C8orf34: variants seen among roughly 807,000 people sequenced by gnomAD.
C8orf34 encodes uncharacterized protein C8orf34.
In C8orf34, 65 loss-of-function variants were observed where a neutral mutation model predicts 68.3. The observed-to-expected ratio is 0.95, with a 90% CI of 0.78 to 1.17. The LOEUF is 1.17. C8orf34 is among the 50% of genes most tolerant of loss of function. The pLI, the probability that C8orf34 is intolerant of heterozygous loss-of-function variation, is 0.00. For synonymous variants in C8orf34, 244 were observed against 241.2 expected, an observed-to-expected ratio of 1.01 and a Z score of -0.11; for missense variants, 664 against 655.4, an observed-to-expected ratio of 1.01 and a Z score of -0.14.
chr8:68,523,195 T>C (rs934881908), intron 6 of C8orf34, among the ~76,000 whole-genome samples: 3 of 152,226 alleles, frequency 2.0e-5, no homozygotes, highest in Non-Finnish European at 4.4e-5. Flanking sequence ...CAATTTCATC[T>C]GTCAATGAGG....
chr8:68,411,241 G>T lies in C8orf34; in HGVS notation c.328-28258G>T, dbSNP rs1049433080. On this transcript the variant is annotated intron_variant, in intron 1 of 13. Coordinates refer to ENST00000518698, the MANE Select transcript of C8orf34 (RefSeq NM_052958.4). ...TATCTATTCAGCTTGTTGCACAAAT[G>T]TTAAAGAATCATGAACTGCATGGTT... 2.6e-5 allele frequency among the ~76,000 whole-genome samples: 4 copies of T among 152,154 alleles called. No individual in the cohort carries two copies. In the East Asian group the frequency reaches 7.7e-4, roughly 29 times the overall value.
intron 1 of C8orf34, among the ~76,000 whole-genome samples, chr8:68,371,415 A>G (rs1807554850): frequency 6.6e-6 from 1 of 150,982 alleles, no homozygotes; most frequent in Non-Finnish European, 1.5e-5. Context: ...TTTAAGTTAG[A>G]TATTTTATGA....
At chr8:68,664,381 A>G (rs989658952) in intron 8 of C8orf34, among the ~76,000 whole-genome samples, 1 of 152,126 alleles carries the variant, frequency 6.6e-6, no homozygotes, top group African/African-American at 2.4e-5. Flanking sequence ...AGCAAAATGG[A>G]GTTAGTCATG....
intron 11 of C8orf34, among the ~76,000 whole-genome samples, chr8:68,780,154 T>G (rs1255633349): frequency 1.3e-5 from 2 of 152,200 alleles, no homozygotes; most frequent in Non-Finnish European, 2.9e-5. Context: ...ATGGACACAA[T>G]TTACACTTAT....
At chr8:68,806,226 C>T (rs1190797172) in intron 12 of C8orf34, among the ~76,000 whole-genome samples, 2 of 151,776 alleles carry the variant, frequency 1.3e-5, no homozygotes, top group East Asian at 1.9e-4. Flanking sequence ...TTGCCAATAT[C>T]CATTTATATT....
intron 7 of C8orf34, chr8:68,533,417 T>G: frequency 1.8e-6 from 2 of 1,104,962 alleles, no homozygotes; most frequent in South Asian, 8.0e-5. Flanking sequence ...AGCGTTATTC[T>G]GTGTGCAACT....
At position 68,818,868 on chromosome 8, in the gene C8orf34, C is replaced by T. The variant is rs1318471078; in HGVS notation, c.*622C>T. Reference sequence around the variant, plus strand: ...AATCAATAAGGAATGAAATGCATGGCCCAAAACATAGAAAATGAAAATCGT... The same window carrying T: ...AATCAATAAGGAATGAAATGCATGGTCCAAAACATAGAAAATGAAAATCGT... On this transcript the variant is annotated 3_prime_UTR_variant, in exon 14 of 14. Transcript: ENST00000518698. The T allele has an allele frequency of 6.6e-6, 1 of 152,022 alleles. No individual in the cohort carries two copies. The highest frequency in any genetic ancestry group is 1.5e-5 in the Non-Finnish European group (1 of 68,008). The allele number at this position is 152,022 out of a possible 1,614,324, so 9.4% of individuals were successfully genotyped here. A position where few individuals can be genotyped will look rare whatever the true frequency, so the allele number is the denominator to read the frequency against.
chr8:68,573,875 A>C (rs1816825470), intron 7 of C8orf34, among the ~76,000 whole-genome samples: 1 of 152,150 alleles, frequency 6.6e-6, no homozygotes, highest in Non-Finnish European at 1.5e-5. Context: ...CATCTCATGA[A>C]ATGTTAGTCC....
intron 8 of C8orf34, among the ~76,000 whole-genome samples, chr8:68,699,298 A>G (rs1820921950): frequency 6.6e-6 from 1 of 152,052 alleles, no homozygotes; most frequent in African/African-American, 2.4e-5. Flanking sequence ...AGATCCTTTT[A>G]TAGACATGAA....
At chr8:68,723,369 T>A (rs1821728756) in intron 10 of C8orf34, among the ~76,000 whole-genome samples, 1 of 152,090 alleles carries the variant, frequency 6.6e-6, no homozygotes, top group South Asian at 2.1e-4. Flanking sequence ...TTCAAAAAAT[T>A]TCAGTACCTT....
intron 1 of C8orf34, among the ~76,000 whole-genome samples, chr8:68,379,079 T>C (rs1807925067): frequency 6.6e-6 from 1 of 152,238 alleles, no homozygotes; most frequent in Non-Finnish European, 1.5e-5. Context: ...GAAGACTTAC[T>C]ATGTGAACAA....
At chr8:68,530,452 T>C (rs1019859796) in intron 6 of C8orf34, 7 of 214,694 alleles carry the variant, frequency 3.3e-5, no homozygotes, top group African/African-American at 1.6e-4. Flanking sequence ...GATAAAATAA[T>C]TTAGGTGTTA....
chr8:68,505,097 G>A (rs1813949657), intron 5 of C8orf34, among the ~76,000 whole-genome samples: 1 of 152,100 alleles, frequency 6.6e-6, no homozygotes, highest in Non-Finnish European at 1.5e-5. Flanking sequence ...GAGCCACCAT[G>A]CCTAGCCCCA....
chr8:68,504,268 T>A (rs188732184), intron 5 of C8orf34, among the ~76,000 whole-genome samples: 102 of 152,346 alleles, frequency 6.7e-4, no homozygotes, highest in Middle Eastern at 3.4e-3. Flanking sequence ...CAGTACTTCA[T>A]TTCTTTTTAT....
At chr8:68,642,483 A>G (rs1554590050) in intron 8 of C8orf34, among the ~76,000 whole-genome samples, 1 of 152,206 alleles carries the variant, frequency 6.6e-6, no homozygotes, top group Non-Finnish European at 1.5e-5. Context: ...ATATTAGTCT[A>G]CCACTGTTTT....
rs141345932 is a variant in C8orf34 at position 68,439,567 on chromosome 8, G to A, written c.396G>A (p.Gln132=). The change falls in exon 2 of 14, where the codon CAG becomes CAA. Residue 132 remains glutamine, a synonymous_variant. Coordinates refer to ENST00000518698, the MANE Select transcript of C8orf34 (RefSeq NM_052958.4). ...TCCCATTTCTCATTGACCATCTTCA[G>A]TCTAAACAAGGGAACCGTGGACAAC... is the stretch of plus-strand genomic sequence containing the variant. The part of the protein sequence containing the change: ...QPIPFLIDHL[Q]SKQGNRGQLQ... The A allele has an allele frequency of 4.3e-6, 7 of 1,613,726 alleles. No homozygotes were observed. The highest frequency in any genetic ancestry group is 1.7e-4 in the Middle Eastern group (1 of 6,058).
intron 10 of C8orf34, among the ~76,000 whole-genome samples, chr8:68,762,325 A>T (rs1823045253): frequency 6.6e-6 from 1 of 152,080 alleles, no homozygotes; most frequent in South Asian, 2.1e-4. Flanking sequence ...ACTGGCAGTG[A>T]CCATAAGATG....
At chr8:68,738,725 A>G (rs911519354) in intron 10 of C8orf34, among the ~76,000 whole-genome samples, 3 of 152,156 alleles carry the variant, frequency 2.0e-5, no homozygotes, top group Non-Finnish European at 4.4e-5. Context: ...TCCTCCCAAG[A>G]ATAAACCAAG....
chr8:68,513,734 A>G (rs953447021), intron 5 of C8orf34, among the ~76,000 whole-genome samples: 5 of 152,208 alleles, frequency 3.3e-5, no homozygotes, highest in Non-Finnish European at 7.3e-5. Flanking sequence ...AGGGAAGGGG[A>G]ACGCAGTGGC....
Sources: gnomAD v4.1 joint callset for allele counts (sites outside exome capture counted in the v4.1 genomes callset) on GRCh38, gnomAD v4.1.1 for gene constraint, MANE v1.5 for transcripts, NCBI Gene and HGNC (gene_info 2026-07-23, HGNC 2026-07-21) for gene names.